USP32: variants seen among roughly 807,000 people sequenced by gnomAD.
USP32 encodes ubiquitin specific peptidase 32.
Under a neutral mutation model 204.8 loss-of-function variants are expected in USP32, and 59 were observed. That is an observed-to-expected ratio of 0.29 (90% CI 0.23 to 0.36). USP32 has a LOEUF of 0.36. Ranked by LOEUF, USP32 falls within the 10% of genes least tolerant of loss-of-function variation. The pLI, the probability that USP32 is intolerant of heterozygous loss-of-function variation, is 1.00. For missense variants in USP32, 1,160 were observed against 1,946.4 expected (o/e 0.60, Z 7.60); for synonymous variants, 517 against 678.4 (o/e 0.76, Z 3.70).
At chr17:60,411,759 G>C (rs9903472) in intron 1 of USP32, among the ~76,000 whole-genome samples, 1 of 151,658 alleles carries the variant, frequency 6.6e-6, no homozygotes, top group Non-Finnish European at 1.5e-5. Flanking sequence ...TTTGTGTCTC[G>C]CTTATTTCAC....
chr17:60,338,301 GGTGACAGA>G (rs1278196745), intron 2 of USP32, among the ~76,000 whole-genome samples: 3 of 151,106 alleles, frequency 2.0e-5, no homozygotes, highest in African/African-American at 7.3e-5. Flanking sequence ...CTCCAGCCTG[GGTGACAGA>G]GCAAGACTCT....
intron 24 of USP32, 107 bp downstream of exon 24, chr17:60,207,952 T>C: frequency 7.0e-7 from 1 of 1,434,320 alleles, no homozygotes; most frequent in South Asian, 1.7e-5. Context: ...TTCGTTATGT[T>C]TTAGTATCTC....
intron 1 of USP32, among the ~76,000 whole-genome samples, chr17:60,397,389 G>C (rs188598295): frequency 4.1e-4 from 63 of 152,196 alleles, no homozygotes; most frequent in African/African-American, 1.5e-3. Flanking sequence ...AAGACACAGC[G>C]TCTCTCTCTA....
intron 33 of USP32, 141 bp downstream of exon 33, chr17:60,180,404 T>A: frequency 1.0e-6 from 1 of 962,020 alleles, no homozygotes; most frequent in South Asian, 1.6e-5. Flanking sequence ...TTTGTTCCTT[T>A]AATACTGACA....
At chr17:60,265,662 T>C (rs1008461871) in intron 8 of USP32, among the ~76,000 whole-genome samples, 188 bp from the exon 9 acceptor site, 28 of 152,196 alleles carry the variant, frequency 1.8e-4, no homozygotes, top group African/African-American at 6.5e-4. Flanking sequence ...CTTCCCAAAG[T>C]GCGGAGATTC....
At chr17:60,244,979 ATAGAAACTAAAAAAGTG>A (rs1193288999) in intron 11 of USP32, among the ~76,000 whole-genome samples, 1 of 152,246 alleles carries the variant, frequency 6.6e-6, no homozygotes, top group Non-Finnish European at 1.5e-5. Context: ...CCAGTAAAGT[ATAGAAACTAAAAAAGTG>A]TAGAAACTAA....
Position 60,373,072 on chromosome 17 carries a change from TGG to T in USP32, c.58+18808_58+18809del. Among the ~76,000 whole-genome samples the T allele has an allele frequency of 1.3e-5, 2 of 151,758 alleles. 1 individual carries two copies. The highest frequency in any genetic ancestry group is 3.9e-4 in the East Asian group (2 of 5,146). On this transcript the variant is annotated intron_variant, in intron 1 of 33. Transcript: ENST00000300896. ...GTCGCAGCTACTCTATAGGCTAAGG[TGG>T]GAGGATAGCTAGAGGCTAAAGTGGG...
chr17:60,338,662 C>G (rs1199696386), intron 2 of USP32, among the ~76,000 whole-genome samples: 1 of 151,578 alleles, frequency 6.6e-6, no homozygotes, highest in Non-Finnish European at 1.5e-5. Flanking sequence ...TTCAGGAGGT[C>G]GAGGATGCAG....
intron 6 of USP32, 104 bp from the exon 7 acceptor site, chr17:60,269,661 A>ATT: frequency 1.1e-6 from 1 of 906,260 alleles, no homozygotes; most frequent in South Asian, 1.9e-5. Flanking sequence ...AACTGACTGA[A>ATT]TTTTTTTTTA....
At position 60,406,078 on chromosome 17, in the gene USP32, G is replaced by A. The variant is rs2089973076; in HGVS notation, c.106+16168C>T. On this transcript the variant is annotated intron_variant, in intron 1 of 3. Transcript: ENST00000588898. ...AGGCTGAGTTGGGAGGATCACTTGA[G>A]TCCAGGAGGTCAAGGCTGCAGAGAG... Among the ~76,000 whole-genome samples, 3 of 146,750 alleles carry A rather than the reference G, an allele frequency of 2.0e-5. No homozygotes were observed. The South Asian group carries it at 6.4e-4, about 31-fold the overall frequency.
intron 1 of USP32, among the ~76,000 whole-genome samples, chr17:60,407,568 A>G (rs1851712527): frequency 6.6e-6 from 1 of 152,124 alleles, no homozygotes; most frequent in Non-Finnish European, 1.5e-5. Context: ...ATCTGGTACA[A>G]CAAAGACCTA....
In USP32 at chr17:60,294,788, A is replaced by C; in HGVS notation, c.306T>G (p.Leu102=). ...DEEKAKYIFS[L]FSSESGNYVI... is the part of the protein sequence containing the mutation. ...CATAGTTCCCAGATTCACTTGAAAAAAGACTAAAAATGTCTAAGAAAAAGA... is the reference window on the plus strand; with the variant it reads ...CATAGTTCCCAGATTCACTTGAAAACAGACTAAAAATGTCTAAGAAAAAGA... Residue 102 remains leucine (L), a synonymous_variant, in exon 4 of 34, where the codon CTT becomes CTG. Transcript: ENST00000300896. 2 of 1,605,168 alleles carry C rather than the reference A, an allele frequency of 1.2e-6. No individual in the cohort carries two copies. The highest frequency in any genetic ancestry group is 1.7e-6 in the Non-Finnish European group (2 of 1,173,986).
At chr17:60,194,483 A>G (rs1336373499) in intron 27 of USP32, among the ~76,000 whole-genome samples, 2 of 152,154 alleles carry the variant, frequency 1.3e-5, no homozygotes, top group African/African-American at 2.4e-5. Flanking sequence ...GTGCTACTGA[A>G]TTATGCTACC....
chr17:60,234,409 G>A (rs2085659918), intron 12 of USP32, among the ~76,000 whole-genome samples: 2 of 149,006 alleles, frequency 1.3e-5, no homozygotes, highest in East Asian at 2.1e-4. Context: ...CACCACACCC[G>A]GCTCAAGCAT....
At chr17:60,241,742 C>T (rs761865591) in intron 11 of USP32, among the ~76,000 whole-genome samples, 1 of 152,182 alleles carries the variant, frequency 6.6e-6, no homozygotes, top group Non-Finnish European at 1.5e-5. Context: ...TGTGTTGTAA[C>T]AGTCCTTTAT....
chr17:60,392,769 A>C (rs1218093964), upstream of USP32: 2 of 310,328 alleles, frequency 6.4e-6, no homozygotes, highest in Non-Finnish European at 1.3e-5. Flanking sequence ...CCCTGAGGAA[A>C]GTGGACCTTG....
At chr17:60,415,066 A>T (rs1295393673) in intron 1 of USP32, among the ~76,000 whole-genome samples, 1 of 152,004 alleles carries the variant, frequency 6.6e-6, no homozygotes, top group South Asian at 2.1e-4. Flanking sequence ...AAAGAAAATA[A>T]ATTTTTCGTT....
chr17:60,388,279 A>G (rs1452992451), intron 1 of USP32, among the ~76,000 whole-genome samples: 2 of 119,000 alleles, frequency 1.7e-5, no homozygotes, highest in African/African-American at 1.1e-4. Context: ...ATTTTAATTC[A>G]GCCGATTCTT....
chr17:60,397,649 A>G (rs1260231438), intron 1 of USP32, among the ~76,000 whole-genome samples: 1 of 152,086 alleles, frequency 6.6e-6, no homozygotes, highest in Non-Finnish European at 1.5e-5. Flanking sequence ...CACCATGCAT[A>G]GTCACCCCAC....
Sources: gnomAD v4.1 joint callset for allele counts (sites outside exome capture counted in the v4.1 genomes callset) on GRCh38, gnomAD v4.1.1 for gene constraint, MANE v1.5 for transcripts, NCBI Gene and HGNC (gene_info 2026-07-23, HGNC 2026-07-21) for gene names.